The following CLASP1 variants were observed in gnomAD, a reference collection of about 807,000 sequenced individuals.
CLASP1 encodes the protein CLIP-associating protein 1.
A neutral mutation model predicts 192.3 loss-of-function variants in CLASP1; 38 were observed. The observed-to-expected ratio is 0.20, with a 90% CI of 0.15 to 0.26. The LOEUF (loss-of-function observed/expected upper bound fraction) is 0.26. Among genes scored for constraint, CLASP1 ranks in the 10% least tolerant of loss-of-function variants. The pLI is 1.00. For synonymous variants in CLASP1, 691 were observed against 712.8 expected, an observed-to-expected ratio of 0.97 and a Z score of 0.49; for missense variants, 1,433 against 1,932.5, an observed-to-expected ratio of 0.74 and a Z score of 4.85.
chr2:121,607,678 A>G (rs1232553422), intron 1 of CLASP1, among the ~76,000 whole-genome samples: 6 of 152,180 alleles, frequency 3.9e-5, no homozygotes, highest in Admixed American at 3.9e-4. Context: ...TACTGTGCCA[A>G]ATTGAAGCTT....
intron 19 of CLASP1, among the ~76,000 whole-genome samples, chr2:121,437,951 G>A (rs902798148): frequency 1.3e-5 from 2 of 152,144 alleles, no homozygotes; most frequent in African/African-American, 4.8e-5. Context: ...TGGCTACTAA[G>A]TTGTATATAT....
chr2:121,601,232 C>G (rs2063742935), intron 2 of CLASP1, among the ~76,000 whole-genome samples: 1 of 151,784 alleles, frequency 6.6e-6, no homozygotes, highest in Admixed American at 6.6e-5. Flanking sequence ...AATGTAACAA[C>G]CATGGCTAAC....
At chr2:121,498,922 T>C (rs10211270) in intron 8 of CLASP1, among the ~76,000 whole-genome samples, 45,020 of 152,106 alleles carry the variant, frequency 0.3, 10,544 homozygotes, top group African/African-American at 0.65. Flanking sequence ...ACAATGACAA[T>C]TGTTGGCGAG....
chr2:121,527,968 A>T (rs2094618445), intron 4 of CLASP1, 78 bp from the exon 5 acceptor site: 1 of 1,199,106 alleles, frequency 8.3e-7, no homozygotes, highest in East Asian at 2.4e-5. Flanking sequence ...ATAGAAGGCA[A>T]GCCTCTTAAC....
At chr2:121,607,573 T>C (rs1053328699) in intron 1 of CLASP1, among the ~76,000 whole-genome samples, 1 of 152,188 alleles carries the variant, frequency 6.6e-6, no homozygotes, top group Non-Finnish European at 1.5e-5. Flanking sequence ...TACAAATTTA[T>C]TTCTGACTTA....
intron 2 of CLASP1, among the ~76,000 whole-genome samples, chr2:121,568,702 A>T (rs2059718884): frequency 6.6e-6 from 1 of 152,046 alleles, no homozygotes; most frequent in Admixed American, 6.6e-5. Flanking sequence ...GCTTTTCTTG[A>T]AGTCACCATT....
chr2:121,589,393 G>T (rs1009494939), intron 2 of CLASP1, among the ~76,000 whole-genome samples: 19 of 152,170 alleles, frequency 1.2e-4, no homozygotes, highest in Admixed American at 1.2e-3. Flanking sequence ...ACTTTGGGAG[G>T]CCAAGGCGGG....
intron 6 of CLASP1, among the ~76,000 whole-genome samples, chr2:121,518,247 A>AG (rs1190176983): frequency 6.6e-6 from 1 of 150,658 alleles, no homozygotes; most frequent in East Asian, 1.9e-4. Context: ...AAAAAAAAAA[A>AG]AAAAAAAAAG....
At chr2:121,398,279 T>C (rs1290348335) in intron 29 of CLASP1, 43 bp downstream of exon 30, 1 of 1,410,758 alleles carries the variant, frequency 7.1e-7, no homozygotes, top group South Asian at 1.3e-5. Context: ...TTTAAACAAA[T>C]GTGAGTTCCA....
chr2:121,580,744 T>G (rs916765471), intron 2 of CLASP1, among the ~76,000 whole-genome samples: 2 of 152,242 alleles, frequency 1.3e-5, no homozygotes, highest in Admixed American at 6.5e-5. Context: ...ATTTCAAGTG[T>G]TTTTTAAATC....
intron 37 of CLASP1, among the ~76,000 whole-genome samples, chr2:121,355,056 T>C (rs191275733): frequency 4.6e-5 from 7 of 152,332 alleles, no homozygotes; most frequent in African/African-American, 1.2e-4. Flanking sequence ...TCAGATCTGC[T>C]GAGCTGAAAC....
intron 8 of CLASP1, among the ~76,000 whole-genome samples, chr2:121,479,747 T>C (rs1235306605): frequency 1.3e-5 from 2 of 152,154 alleles, no homozygotes; most frequent in Non-Finnish European, 2.9e-5. Context: ...CCAGTGTTAT[T>C]AGGGCCGGTT....
chr2:121,491,930 C>T (rs2093327724), intron 8 of CLASP1, among the ~76,000 whole-genome samples: 1 of 152,064 alleles, frequency 6.6e-6, no homozygotes, highest in Non-Finnish European at 1.5e-5. Flanking sequence ...ATATACAAAC[C>T]CTTGATAAAT....
At chr2:121,503,191 C>T in exon 8 of CLASP1, 1 of 1,550,294 alleles carries the variant, frequency 6.5e-7, no homozygotes, top group Non-Finnish European at 8.7e-7. Flanking sequence ...ATCATGTTTC[C>T]AGATTTCTGG....
intron 1 of CLASP1, among the ~76,000 whole-genome samples, chr2:121,636,208 C>T (rs983364761): frequency 1.1e-4 from 16 of 151,696 alleles, no homozygotes; most frequent in Admixed American, 7.2e-4. Context: ...ACAGTGCAGG[C>T]GCCTGTAATC....
intron 14 of CLASP1, among the ~76,000 whole-genome samples, chr2:121,455,121 G>C (rs1365323408): frequency 6.6e-6 from 1 of 152,156 alleles, no homozygotes; most frequent in African/African-American, 2.4e-5. Context: ...TGAACCCTAG[G>C]TCAAGGGTAG....
At chr2:121,372,216 T>TA (rs2068899950) in intron 34 of CLASP1, among the ~76,000 whole-genome samples, 1 of 152,210 alleles carries the variant, frequency 6.6e-6, no homozygotes, top group Non-Finnish European at 1.5e-5. Context: ...TGTGACCTGT[T>TA]ATCTCTTTGC....
At chr2:121,606,116 G>A (rs1274353645) in exon 2 of CLASP1, 8 of 558,890 alleles carry the variant, frequency 1.4e-5, no homozygotes, top group Admixed American at 3.2e-5. Context: ...AGGAGATAAA[G>A]GAGTGAGTGG....
intron 1 of CLASP1, among the ~76,000 whole-genome samples, chr2:121,628,348 C>G (rs2068772129): frequency 6.6e-6 from 1 of 152,084 alleles, no homozygotes; most frequent in African/African-American, 2.4e-5. Context: ...CTAACCATCA[C>G]TCTAGTCCTA....
Sources: allele counts gnomAD v4.1 joint callset (sites outside exome capture counted in the v4.1 genomes callset), GRCh38; gene constraint gnomAD v4.1.1; transcripts MANE v1.5; gene names NCBI Gene and HGNC (gene_info 2026-07-23, HGNC 2026-07-21).